The following INPP5A variants were observed in gnomAD, a reference collection of about 807,000 sequenced individuals.
The protein encoded by INPP5A is 43 kDa inositol polyphosphate 5-phophatase.
INPP5A carries 14 observed loss-of-function variants against 65.2 expected under a neutral mutation model. The observed-to-expected ratio is 0.21, with a 90% CI of 0.14 to 0.34. The LOEUF is 0.34. Ranked by LOEUF, INPP5A falls within the 10% of genes least tolerant of loss-of-function variation. The pLI is 1.00. For synonymous variants in INPP5A, 207 were observed against 208.3 expected, an observed-to-expected ratio of 0.99 and a Z score of 0.05; for missense variants, 431 against 545.6, an observed-to-expected ratio of 0.79 and a Z score of 2.09.
chr10:132,550,067 C>T lies in INPP5A; in HGVS notation c.75+11896C>T, dbSNP rs1163920884. Among the ~76,000 whole-genome samples, 2 of 136,072 alleles carry T rather than the reference C, an allele frequency of 1.5e-5. No individual in the cohort carries two copies. Among genetic ancestry groups the T allele is most frequent in the East Asian group, 2.2e-4 (1 of 4,514 alleles). The allele number at this position is 136,072 out of a possible 152,430, so 89.3% of individuals were successfully genotyped here. A position where few individuals can be genotyped will look rare whatever the true frequency, so the allele number is the denominator to read the frequency against. On this transcript the variant is annotated intron_variant, in intron 1 of 15. Coordinates refer to ENST00000368594, the MANE Select transcript of INPP5A (RefSeq NM_005539.5). The surrounding 1 kb of genome is among the most constrained non-coding windows in gnomAD (Gnocchi z 4.2). ...ATGGGGTCAGCCTCGAGTTACTAAC[C>T]GGGCATTAGGGGATGGGGTCAGCCT...
chr10:132,581,862 G>C (rs1008190206), intron 1 of INPP5A, among the ~76,000 whole-genome samples: 9 of 151,640 alleles, frequency 5.9e-5, no homozygotes, highest in Non-Finnish European at 7.4e-5. Context: ...TTTTGAGACA[G>C]AGTCTTGCTC....
intron 11 of INPP5A, among the ~76,000 whole-genome samples, chr10:132,755,336 G>C (rs1241854291): frequency 1.3e-5 from 2 of 148,976 alleles, no homozygotes; most frequent in Non-Finnish European, 3.0e-5. Flanking sequence ...TGTGTGAGCT[G>C]TGTGAGCGTG....
chr10:132,654,326 G>A (rs1265034720), intron 4 of INPP5A, among the ~76,000 whole-genome samples: 1 of 152,262 alleles, frequency 6.6e-6, no homozygotes, highest in Non-Finnish European at 1.5e-5. Flanking sequence ...GATGGTGGAG[G>A]GCAGCCTTGC....
At chr10:132,554,162 T>C (rs947258589) in intron 1 of INPP5A, among the ~76,000 whole-genome samples, 1 of 152,208 alleles carries the variant, frequency 6.6e-6, no homozygotes, top group Non-Finnish European at 1.5e-5. Context: ...GTTAAATATT[T>C]ATTCAGATAG....
Position 132,650,646 on chromosome 10 carries a change from C to T in INPP5A, c.306+141C>T. On this transcript the variant is annotated intron_variant, in intron 4 of 15. Coordinates refer to ENST00000368594, the MANE Select transcript of INPP5A (RefSeq NM_005539.5). The surrounding 1 kb of genome is among the most constrained non-coding windows in gnomAD (Gnocchi z 5.5). ...CACGCTGCCCTGCCTGGCACTCCCGCAGCCTGCTTGGTGGTCTGCTCGTGG... is the reference window on the plus strand; with the variant it reads ...CACGCTGCCCTGCCTGGCACTCCCGTAGCCTGCTTGGTGGTCTGCTCGTGG... 1 of 657,900 alleles carries T rather than the reference C, an allele frequency of 1.5e-6. No individual in the cohort carries two copies. Among genetic ancestry groups the T allele is most frequent in the South Asian group, 1.7e-5 (1 of 59,600 alleles). 40.8% of individuals were successfully genotyped at this position (657,900 alleles called of 1,614,324 possible).
intron 11 of INPP5A, among the ~76,000 whole-genome samples, chr10:132,752,534 C>T (rs1252852133): frequency 4.1e-5 from 4 of 98,292 alleles, no homozygotes; most frequent in Admixed American, 2.2e-4. Context: ...GGAGGTGTGG[C>T]GTGGAGGGGC....
At chr10:132,625,822 C>T (rs1481420062) in intron 2 of INPP5A, among the ~76,000 whole-genome samples, 2 of 148,940 alleles carry the variant, frequency 1.3e-5, no homozygotes, top group African/African-American at 5.0e-5. Flanking sequence ...TGCTTCTCTG[C>T]AAGGGCTGGC....
At chr10:132,605,357 G>C (rs540564409) in intron 1 of INPP5A, among the ~76,000 whole-genome samples, 134 of 138,150 alleles carry the variant, frequency 9.7e-4, no homozygotes, top group Non-Finnish European at 1.7e-3. Context: ...GATCCCCCAG[G>C]AGTGAGGGGG....
chr10:132,685,844 A>G (rs970777639), intron 4 of INPP5A, among the ~76,000 whole-genome samples: 1 of 152,236 alleles, frequency 6.6e-6, no homozygotes, highest in Non-Finnish European at 1.5e-5. Context: ...TGGGCCCGCT[A>G]TCAGAATTCA....
At chr10:132,622,054 A>C (rs2072117262) in intron 2 of INPP5A, among the ~76,000 whole-genome samples, 1 of 152,250 alleles carries the variant, frequency 6.6e-6, no homozygotes, top group Non-Finnish European at 1.5e-5. Flanking sequence ...GGATTTATTT[A>C]GTTTTCAACA....
chr10:132,552,561 A>T (rs1242826068), intron 1 of INPP5A, among the ~76,000 whole-genome samples: 8 of 134,360 alleles, frequency 6.0e-5, no homozygotes, highest in African/African-American at 2.3e-4. Context: ...ATTGAGTAGG[A>T]TAGGGAGGGA....
chr10:132,643,686 T>A (rs1005723374), intron 2 of INPP5A, among the ~76,000 whole-genome samples: 1 of 152,120 alleles, frequency 6.6e-6, no homozygotes, highest in Non-Finnish European at 1.5e-5. Flanking sequence ...TGCTGTGAGT[T>A]ACTAATTCTG....
chr10:132,562,817 G>T (rs972670536), intron 1 of INPP5A, among the ~76,000 whole-genome samples: 1 of 152,218 alleles, frequency 6.6e-6, no homozygotes, highest in Non-Finnish European at 1.5e-5. Flanking sequence ...AGCTGCAGAG[G>T]CCCCTCGAGA....
chr10:132,773,792 C>T (rs1006089109), intron 12 of INPP5A, among the ~76,000 whole-genome samples: 10 of 152,354 alleles, frequency 6.6e-5, no homozygotes, highest in Non-Finnish European at 5.9e-5. Context: ...AGGACAGCCT[C>T]CTGCTCTGTT....
intron 1 of INPP5A, among the ~76,000 whole-genome samples, chr10:132,565,199 T>G (rs1219999824): frequency 6.6e-6 from 1 of 152,178 alleles, no homozygotes; most frequent in Non-Finnish European, 1.5e-5. Flanking sequence ...AGCCTTGACC[T>G]TCTGGGCACA....
chr10:132,558,713 G>T (rs2071161034), intron 1 of INPP5A, among the ~76,000 whole-genome samples: 1 of 152,242 alleles, frequency 6.6e-6, no homozygotes, highest in African/African-American at 2.4e-5. Flanking sequence ...TGCTAGCCTA[G>T]CCTCGCTGCC....
chr10:132,718,886 G>A (rs1362033833), intron 8 of INPP5A, among the ~76,000 whole-genome samples: 1 of 150,640 alleles, frequency 6.6e-6, no homozygotes, highest in South Asian at 2.1e-4. Context: ...TGTGGTGCCT[G>A]GGTTCTGTCT....
In INPP5A at chr10:132,547,433, G is replaced by A. The variant is rs769570468; in HGVS notation, c.75+9262G>A. Among the ~76,000 whole-genome samples, 3 of 152,172 alleles carry A rather than the reference G, an allele frequency of 2.0e-5. No individual in the cohort carries two copies. The highest frequency in any genetic ancestry group is 2.1e-4 in the South Asian group (1 of 4,830). On this transcript the variant is annotated intron_variant, in intron 1 of 15. Coordinates refer to ENST00000368594, the MANE Select transcript of INPP5A (RefSeq NM_005539.5). The surrounding 1 kb of genome is among the most constrained non-coding windows in gnomAD (Gnocchi z 5.5). ...CGGGGCGCGTGGCCCAGGCTGAGCA[G>A]TGCACTCGGCTGCCTAGGTGGTGTG...
chr10:132,778,078 T>C (rs1847094920), intron 13 of INPP5A, among the ~76,000 whole-genome samples: 1 of 152,182 alleles, frequency 6.6e-6, no homozygotes, highest in African/African-American at 2.4e-5. Context: ...TTTCAAATCG[T>C]GGTTCATTGT....
Sources: allele counts gnomAD v4.1 joint callset (sites outside exome capture counted in the v4.1 genomes callset), GRCh38; gene constraint gnomAD v4.1.1; non-coding constraint Gnocchi (gnomAD v3.1); transcripts MANE v1.5; gene names NCBI Gene and HGNC (gene_info 2026-07-23, HGNC 2026-07-21).